The following CCDC7 variants were observed in gnomAD, a reference collection of about 807,000 sequenced individuals.
CCDC7 encodes coiled-coil domain-containing protein 7.
Under a neutral mutation model 196.9 loss-of-function variants are expected in CCDC7, and 183 were observed. That is an observed-to-expected ratio of 0.93 (90% CI 0.82 to 1.05). The LOEUF (loss-of-function observed/expected upper bound fraction) is 1.05, where lower values mean the gene tolerates loss of function less well. CCDC7 is among the 50% of genes least tolerant of loss of function. The pLI, the probability that CCDC7 is intolerant of heterozygous loss-of-function variation, is 0.00. For synonymous variants in CCDC7, 525 were observed against 484.6 expected (o/e 1.08, Z -1.10); for missense variants, 1,540 against 1,482.2 (o/e 1.04, Z -0.64).
chr10:32,750,760 G>T (rs1180155640), intron 28 of CCDC7, among the ~76,000 whole-genome samples: 4 of 152,136 alleles, frequency 2.6e-5, no homozygotes, highest in African/African-American at 4.8e-5. Flanking sequence ...AATAAGAGAT[G>T]TCTTCTCAGT....
At position 32,453,324 on chromosome 10, in the gene CCDC7, C is replaced by G; in HGVS notation, c.280-20C>G. 6.9e-7 allele frequency: 1 copy of G among 1,455,614 alleles called. No individual in the cohort carries two copies. Among genetic ancestry groups the G allele is most frequent in the Non-Finnish European group, 9.1e-7 (1 of 1,101,114 alleles). The allele number at this position is 1,455,614 out of a possible 1,614,324, so 90.2% of individuals were successfully genotyped here. ...TTAAACTATTAAAGTATCTAATTGG[C>G]TTTTATTTTTTTTTTACAGGTTGTT... On this transcript the variant is annotated intron_variant, in intron 1 of 41. Coordinates refer to ENST00000639629, the Ensembl canonical transcript of CCDC7.
At chr10:32,501,805 G>T (rs373496668) in intron 9 of CCDC7, among the ~76,000 whole-genome samples, 2 of 152,314 alleles carry the variant, frequency 1.3e-5, no homozygotes, top group Admixed American at 1.3e-4. Flanking sequence ...TCCCAGTCTG[G>T]ATACGTGGAT....
chr10:32,645,542 T>C (rs937121440), intron 20 of CCDC7, among the ~76,000 whole-genome samples: 23 of 139,296 alleles, frequency 1.7e-4, no homozygotes, highest in Non-Finnish European at 2.6e-4. Flanking sequence ...AGAGTAATGC[T>C]GGCCTTGTAG....
chr10:32,880,015 T>A (rs990844190), downstream of CCDC7, among the ~76,000 whole-genome samples: 2 of 152,158 alleles, frequency 1.3e-5, no homozygotes, highest in African/African-American at 4.8e-5. Context: ...TGAACATACA[T>A]TTGCATATAT....
intron 30 of CCDC7, among the ~76,000 whole-genome samples, chr10:32,810,682 C>T (rs938307098): frequency 2.6e-5 from 4 of 152,072 alleles, no homozygotes; most frequent in African/African-American, 9.7e-5. Flanking sequence ...CAGATAATTA[C>T]AAAGTATTTT....
At chr10:32,723,713 C>T (rs182116465) in intron 25 of CCDC7, among the ~76,000 whole-genome samples, 51 of 152,166 alleles carry the variant, frequency 3.4e-4, no homozygotes, top group African/African-American at 1.2e-3. Context: ...AGATGACACT[C>T]TCACTAAGTT....
exon 27 of CCDC7, chr10:32,728,898 G>C: frequency 6.3e-7 from 1 of 1,594,948 alleles, no homozygotes; most frequent in African/African-American, 1.3e-5. Context: ...TCGTATTGTA[G>C]TACCAAATGA....
intron 21 of CCDC7, among the ~76,000 whole-genome samples, chr10:32,677,813 C>G (rs535733129): frequency 1.8e-4 from 28 of 152,244 alleles, no homozygotes; most frequent in Non-Finnish European, 3.2e-4. Flanking sequence ...TTTTCCCTCT[C>G]TTTCTTCTTG....
intron 18 of CCDC7, among the ~76,000 whole-genome samples, chr10:32,632,139 TGGGG>T (rs59349566): frequency 0.01 from 1,302 of 125,988 alleles, 31 homozygotes; most frequent in South Asian, 0.025. Flanking sequence ...TTCTTTTTTT[TGGGG>T]GGGGGGGGGT....
chr10:32,511,770 C>A, intron 9 of CCDC7: 1 of 1,483,346 alleles, frequency 6.7e-7, no homozygotes, highest in Admixed American at 1.8e-5. Flanking sequence ...TCGACTCCAG[C>A]CTCCCGGAAA....
chr10:32,694,891 A>G, exon 24 of CCDC7: 1 of 1,594,724 alleles, frequency 6.3e-7, no homozygotes, highest in Non-Finnish European at 8.5e-7. Context: ...CATGATGAAG[A>G]ACCAGGCAAA....
At chr10:32,866,369 A>G (rs938537576) in intron 41 of CCDC7, among the ~76,000 whole-genome samples, 12 of 151,878 alleles carry the variant, frequency 7.9e-5, no homozygotes, top group Non-Finnish European at 1.5e-4. Flanking sequence ...GTTATTCAAT[A>G]TATACAAAGT....
At chr10:32,564,984 GAAAAT>G (rs1052653430) in intron 13 of CCDC7, among the ~76,000 whole-genome samples, 1 of 151,938 alleles carries the variant, frequency 6.6e-6, no homozygotes, top group African/African-American at 2.4e-5. Flanking sequence ...CTCTTAAAAA[GAAAAT>G]AAAATAAGTT....
At chr10:32,881,663 C>T (rs537813504), downstream of CCDC7, among the ~76,000 whole-genome samples, 10 of 152,112 alleles carry the variant, frequency 6.6e-5, no homozygotes, top group Non-Finnish European at 8.8e-5. Flanking sequence ...CCTAGCCAGC[C>T]AGTCATGTAC....
intron 15 of CCDC7, among the ~76,000 whole-genome samples, chr10:32,570,664 T>A (rs548813762): frequency 1.3e-5 from 2 of 152,300 alleles, no homozygotes; most frequent in East Asian, 3.9e-4. Context: ...CAGAAAAGAA[T>A]ATGGAGGACA....
At chr10:32,461,729 A>ATATG (rs1285325576) in intron 3 of CCDC7, among the ~76,000 whole-genome samples, 4 of 85,400 alleles carry the variant, frequency 4.7e-5, no homozygotes, top group African/African-American at 2.1e-4. Flanking sequence ...ATATATATAT[A>ATATG]TGTATATATA....
At chr10:32,540,063 T>C (rs1181422975) in intron 11 of CCDC7, among the ~76,000 whole-genome samples, 1 of 152,116 alleles carries the variant, frequency 6.6e-6, no homozygotes, top group Non-Finnish European at 1.5e-5. Flanking sequence ...ATATCTTTGT[T>C]TATTTTCTGC....
chr10:32,676,188 A>AAAGCTGAAACTGT, intron 21 of CCDC7, among the ~76,000 whole-genome samples: 1 of 35,530 alleles, frequency 2.8e-5, no homozygotes, highest in Non-Finnish European at 8.7e-5. Flanking sequence ...CCATATGTAG[A>AAAGCTGAAACTGT]ATCCCTTCCT....
At chr10:32,789,924 TACA>T (rs1273508193) in intron 29 of CCDC7, among the ~76,000 whole-genome samples, 1 of 152,158 alleles carries the variant, frequency 6.6e-6, no homozygotes. Flanking sequence ...AAGTCCAAAA[TACA>T]ACAAGGAAAG....
Sources: allele counts gnomAD v4.1 joint callset (sites outside exome capture counted in the v4.1 genomes callset), GRCh38; gene constraint gnomAD v4.1.1; transcripts MANE v1.5; gene names NCBI Gene and HGNC (gene_info 2026-07-23, HGNC 2026-07-21).